Variants in MMP8 observed in about 807,000 individuals in gnomAD.
MMP8 encodes the protein matrix metallopeptidase 8, also known as neutrophil collagenase.
In MMP8, 67 loss-of-function variants were observed where a neutral mutation model predicts 51.2. The ratio of observed to expected loss-of-function variants is 1.31; its 90% CI spans 1.08 to 1.60. MMP8 has a LOEUF of 1.60. MMP8 is among the 40% of genes most tolerant of loss of function. The pLI, the probability that MMP8 is intolerant of heterozygous loss-of-function variation, is 0.00. For missense variants in MMP8, 654 were observed against 558.1 expected (o/e 1.17, Z -1.73); for synonymous variants, 225 against 191.0 (o/e 1.18, Z -1.47).
Position 102,712,020 on chromosome 11 carries a change from A to G in MMP8, c.*1328T>C, listed in dbSNP as rs1298183910. ...CAAATATAACATTATAATGATTTTG[A>G]TATCTGGACTCGCTAGACTTGGTCC... On this transcript the variant is annotated 3_prime_UTR_variant, in exon 10 of 10. Transcript: ENST00000236826. 1 of 152,206 alleles carries G rather than the reference A, an allele frequency of 6.6e-6. No individual in the cohort carries two copies. The highest frequency in any genetic ancestry group is 1.5e-5 in the Non-Finnish European group (1 of 68,032). The allele number at this position is 152,206 out of a possible 1,614,324, so 9.4% of individuals were successfully genotyped here.
intron 2 of MMP8, 67 bp downstream of exon 2, chr11:102,722,362 G>A (rs1353315785): frequency 2.0e-6 from 3 of 1,523,514 alleles, no homozygotes; most frequent in East Asian, 4.6e-5. Flanking sequence ...CAAGAACAGT[G>A]TCTGTCATAT....
rs17099450 is a variant in MMP8, at chr11:102,724,848, G to C, written c.8C>G (p.Ser3Cys). Reference sequence around the variant, plus strand: ...GAGCAGAAATGGAAGCGTCTTCAGGGAGAACATGATCTTCTCTTCAAACTC... The same window carrying C: ...GAGCAGAAATGGAAGCGTCTTCAGGCAGAACATGATCTTCTCTTCAAACTC... MF[S>C]LKTLPFLLLL... The change falls in exon 1 of 10, where the codon TCC becomes TGC. Residue 3 changes from serine (S) to cysteine (C), a missense_variant. Transcript: ENST00000236826. 0.047 allele frequency: 76,015 copies of C among 1,608,936 alleles called. 2,027 individuals carry two copies. The highest frequency in any genetic ancestry group is 0.09 in the Middle Eastern group (542 of 6,036).
At chr11:102,718,337 G>T in intron 5 of MMP8, 77 bp downstream of exon 5, 1 of 1,409,526 alleles carries the variant, frequency 7.1e-7, no homozygotes, top group Non-Finnish European at 9.7e-7. Flanking sequence ...TGCAAAGGAA[G>T]AGATATTCAG....
rs145760647 is a variant in MMP8 at position 102,718,482 on chromosome 11, T to G, written c.716A>C (p.Tyr239Ser). ...GTAGTTGCTGGTTTCCCTGAAAGCA[T>G]AGTTGGGATACATCAAGGCACCAGG... ...SDPGALMYPNYAFRETSNYSL... is the reference protein window; with the variant it reads ...SDPGALMYPNSAFRETSNYSL... Residue 239 changes from tyrosine to serine, a missense_variant, in exon 5 of 10, where the codon TAT (tyrosine) becomes TCT (serine). By Grantham distance (144) the Tyr-to-Ser change is moderately radical. Coordinates refer to ENST00000236826, the MANE Select transcript of MMP8 (RefSeq NM_002424.3). The G allele has an allele frequency of 6.2e-7, 1 of 1,613,826 alleles. No homozygotes were observed. The highest frequency in any genetic ancestry group is 1.1e-5 in the South Asian group (1 of 91,064).
At chr11:102,723,464 G>T in intron 1 of MMP8, 1 of 450,950 alleles carries the variant, frequency 2.2e-6, no homozygotes, top group Non-Finnish European at 4.4e-6. Flanking sequence ...CATAAAAGGG[G>T]CTGATTTTCT....
At chr11:102,718,681 GC>G in intron 4 of MMP8, 106 bp from the exon 5 acceptor site, 2 of 1,253,076 alleles carry the variant, frequency 1.6e-6, no homozygotes, top group Non-Finnish European at 2.3e-6. Flanking sequence ...CAGGGAAATA[GC>G]CCTTCCCATG....
intron 7 of MMP8, among the ~76,000 whole-genome samples, chr11:102,715,034 G>T (rs1861247341): frequency 6.6e-6 from 1 of 151,986 alleles, no homozygotes; most frequent in Non-Finnish European, 1.5e-5. Context: ...TTAGAGAATT[G>T]TATCTGGGAT....
intron 4 of MMP8, 83 bp downstream of exon 4, chr11:102,721,318 T>TTATG: frequency 7.4e-7 from 1 of 1,353,000 alleles, no homozygotes; most frequent in Non-Finnish European, 1.0e-6. Flanking sequence ...GTTACCTTTA[T>TTATG]TGTGTGTGTG....
At chr11:102,713,607 T>G in intron 9 of MMP8, 147 bp downstream of exon 9, 1 of 990,148 alleles carries the variant, frequency 1.0e-6, no homozygotes, top group Non-Finnish European at 1.5e-6. Context: ...GGCTAATGCC[T>G]GTAATCCCAG....
intron 8 of MMP8, among the ~76,000 whole-genome samples, chr11:102,714,264 G>A (rs891135626): frequency 6.6e-6 from 1 of 152,204 alleles, no homozygotes; most frequent in Non-Finnish European, 1.5e-5. Context: ...GAACTCATAA[G>A]TGAGAATTAG....
chr11:102,713,820 G>A lies in MMP8; in HGVS notation c.1228C>T (p.Pro410Ser), dbSNP rs1398004166. The change falls in exon 9 of 10, where the codon CCC becomes TCC. Residue 410 changes from proline (P) to serine (S), a missense_variant. By Grantham distance (74) the Pro-to-Ser change is moderately conservative. Transcript: ENST00000236826. ...GGAAAGGCACCTGATATGCTTTTGGGATAACCTGGCTCCATGAATTGTCTT... is the reference window on the plus strand; with the variant it reads ...GGAAAGGCACCTGATATGCTTTTGGAATAACCTGGCTCCATGAATTGTCTT... ...NQRQFMEPGYPKSISGAFPGI... is the reference protein window; with the variant it reads ...NQRQFMEPGYSKSISGAFPGI... 1.2e-6 allele frequency: 2 copies of A among 1,611,802 alleles called. No homozygotes were observed. The highest frequency in any genetic ancestry group is 2.7e-5 in the African/African-American group (2 of 74,734).
chr11:102,721,298 GA>G, intron 4 of MMP8, 102 bp downstream of exon 4: 1 of 1,466,028 alleles, frequency 6.8e-7, no homozygotes, highest in Non-Finnish European at 9.1e-7. Context: ...TTGTGAGTTT[GA>G]AATATTATGT....
At chr11:102,716,005 T>C (rs1295591686) in intron 6 of MMP8, among the ~76,000 whole-genome samples, 3 of 152,056 alleles carry the variant, frequency 2.0e-5, no homozygotes, top group Non-Finnish European at 4.4e-5. Context: ...TGTTTGTGAA[T>C]GTTTTCATGT....
Position 102,718,195 on chromosome 11 carries a change from G to A in MMP8, c.784+219C>T, listed in dbSNP as rs76967937. Among the ~76,000 whole-genome samples, 623 of 152,190 alleles carry A rather than the reference G, an allele frequency of 4.1e-3. 5 individuals carry two copies. The highest frequency in any genetic ancestry group is 0.014 in the African/African-American group (579 of 41,508). ...ACCATCCAAAGACAATAACTGGGAAGCACTGTAGTGCATTTCTTCTTAAAC... is the reference window on the plus strand; with the variant it reads ...ACCATCCAAAGACAATAACTGGGAAACACTGTAGTGCATTTCTTCTTAAAC... On this transcript the variant is annotated intron_variant, in intron 5 of 9. Coordinates refer to ENST00000236826, the MANE Select transcript of MMP8 (RefSeq NM_002424.3).
chr11:102,716,223 A>C (rs1402008218), intron 6 of MMP8, 79 bp downstream of exon 6: 1 of 1,017,516 alleles, frequency 9.8e-7, no homozygotes, highest in African/African-American at 1.6e-5. Flanking sequence ...AAAGGTGACT[A>C]ACGTGTGACT....
Position 102,712,850 on chromosome 11 carries a change from CAT to C in MMP8, c.*496_*497del, listed in dbSNP as rs1861164849. The C allele has an allele frequency of 6.6e-6, 1 of 152,488 alleles. No individual in the cohort carries two copies. Among genetic ancestry groups the C allele is most frequent in the South Asian group, 2.1e-4 (1 of 4,846 alleles). 9.4% of individuals were successfully genotyped at this position (152,488 alleles called of 1,614,324 possible). Reference sequence around the variant, plus strand: ...GGGGGACACAATTCAACCCACGAAACATATCATCTACATTTCTTTCCAAGGGT... The same window carrying C: ...GGGGGACACAATTCAACCCACGAAACATCATCTACATTTCTTTCCAAGGGT... On this transcript the variant is annotated 3_prime_UTR_variant, in exon 10 of 10. Transcript: ENST00000236826.
In MMP8 at chr11:102,722,691, C is replaced by CA; in HGVS notation, c.103-19dup. Reference sequence around the variant, plus strand: ...AGGTAGTCCTGGACAAAGACAAGCACATAGGGGTCTTGCTGTGAAAGGACC... The same window carrying CA: ...AGGTAGTCCTGGACAAAGACAAGCACAATAGGGGTCTTGCTGTGAAAGGACC... On this transcript the variant is annotated intron_variant, in intron 1 of 9. Coordinates refer to ENST00000236826, the MANE Select transcript of MMP8 (RefSeq NM_002424.3). The CA allele has an allele frequency of 5.6e-6, 9 of 1,611,478 alleles. No individual in the cohort carries two copies. The highest frequency in any genetic ancestry group is 7.6e-6 in the Non-Finnish European group (9 of 1,178,150).
At chr11:102,719,362 C>T (rs964261904) in intron 4 of MMP8, among the ~76,000 whole-genome samples, 1 of 149,526 alleles carries the variant, frequency 6.7e-6, no homozygotes, top group Non-Finnish European at 1.5e-5. Flanking sequence ...GCCTCACAAA[C>T]ACACTGATGC....
At chr11:102,719,032 C>T (rs896868393) in intron 4 of MMP8, among the ~76,000 whole-genome samples, 3 of 152,176 alleles carry the variant, frequency 2.0e-5, no homozygotes, top group Non-Finnish European at 2.9e-5. Context: ...AGATGGAGGG[C>T]TGGCTCATGT....
Sources: allele counts gnomAD v4.1 joint callset (sites outside exome capture counted in the v4.1 genomes callset), GRCh38; gene constraint gnomAD v4.1.1; transcripts MANE v1.5; gene names NCBI Gene and HGNC (gene_info 2026-07-23, HGNC 2026-07-21).